Variants in SLC39A11 observed in about 807,000 individuals in gnomAD.
SLC39A11 encodes the protein zinc transporter ZIP11.
A neutral mutation model predicts 36.1 loss-of-function variants in SLC39A11; 33 were observed. The ratio of observed to expected loss-of-function variants is 0.91; its 90% CI spans 0.69 to 1.22. The LOEUF is 1.22. Among genes scored for constraint, SLC39A11 ranks in the 50% most tolerant of loss-of-function variants. SLC39A11 has a pLI of 0.00. For synonymous variants in SLC39A11, 166 were observed against 170.3 expected (o/e 0.97, Z 0.20); for missense variants, 432 against 430.3 (o/e 1.00, Z -0.03).
intron 7 of SLC39A11, among the ~76,000 whole-genome samples, chr17:72,731,623 T>C (rs533328726): frequency 6.6e-6 from 1 of 152,294 alleles, no homozygotes; most frequent in South Asian, 2.1e-4. Context: ...AGTTCCTGTG[T>C]ACCCTGCCCT....
chr17:72,739,646 T>A (rs1009502185), intron 6 of SLC39A11, among the ~76,000 whole-genome samples: 10 of 152,092 alleles, frequency 6.6e-5, no homozygotes, highest in African/African-American at 2.4e-4. Context: ...GGGCCCGGCC[T>A]CTCAGCGTGC....
chr17:72,764,857 G>A (rs1363837556), intron 6 of SLC39A11, among the ~76,000 whole-genome samples: 1 of 152,192 alleles, frequency 6.6e-6, no homozygotes, highest in African/African-American at 2.4e-5. Context: ...TCCATCCAGT[G>A]ATGGTGGAGG....
intron 5 of SLC39A11, among the ~76,000 whole-genome samples, chr17:72,922,034 G>A (rs920966227): frequency 2.6e-5 from 4 of 152,094 alleles, no homozygotes; most frequent in Non-Finnish European, 4.4e-5. Context: ...GAATTCCAAG[G>A]TGAGTTCCAA....
chr17:72,880,961 G>A (rs1028296883), intron 5 of SLC39A11, among the ~76,000 whole-genome samples: 6 of 150,826 alleles, frequency 4.0e-5, no homozygotes, highest in East Asian at 2.0e-4. Flanking sequence ...GATTACAGGC[G>A]TGAGCCTCTG....
intron 4 of SLC39A11, among the ~76,000 whole-genome samples, chr17:72,983,211 G>A (rs139088036): frequency 8.6e-5 from 13 of 151,792 alleles, no homozygotes; most frequent in Admixed American, 4.6e-4. Flanking sequence ...GTGCAGTGCC[G>A]CGATCTCAGC....
intron 3 of SLC39A11, among the ~76,000 whole-genome samples, chr17:73,064,171 A>G (rs1235829415): frequency 6.6e-6 from 1 of 152,188 alleles, no homozygotes; most frequent in Non-Finnish European, 1.5e-5. Flanking sequence ...TCAGACACAC[A>G]ATTCTCACCA....
intron 5 of SLC39A11, among the ~76,000 whole-genome samples, chr17:72,865,066 CA>C (rs34518318): frequency 6.6e-6 from 1 of 151,908 alleles, no homozygotes; most frequent in African/African-American, 2.4e-5. Context: ...ACAGCAACAA[CA>C]AAAAAATGTT....
intron 6 of SLC39A11, among the ~76,000 whole-genome samples, chr17:72,845,811 CAGTT>C (rs1160849299): frequency 6.6e-6 from 1 of 152,144 alleles, no homozygotes; most frequent in South Asian, 2.1e-4. Flanking sequence ...AGCTGTCCTC[CAGTT>C]TACTGAAACC....
At chr17:72,712,457 T>C (rs1226393729) in intron 7 of SLC39A11, among the ~76,000 whole-genome samples, 1 of 151,724 alleles carries the variant, frequency 6.6e-6, no homozygotes, top group African/African-American at 2.4e-5. Context: ...TTCTACTGAG[T>C]TTCAGTTAAT....
At chr17:72,959,408 A>G (rs796337277) in intron 4 of SLC39A11, among the ~76,000 whole-genome samples, 2 of 147,676 alleles carry the variant, frequency 1.4e-5, no homozygotes, top group African/African-American at 5.0e-5. Context: ...TTGAATTAAC[A>G]GCATTCGCAG....
intron 5 of SLC39A11, among the ~76,000 whole-genome samples, chr17:72,918,526 G>A (rs977033627): frequency 4.6e-5 from 7 of 152,170 alleles, no homozygotes; most frequent in Admixed American, 1.3e-4. Context: ...GAGCCCTGGC[G>A]CAAGACAGTG....
chr17:72,903,868 C>A (rs1385637853), intron 5 of SLC39A11, among the ~76,000 whole-genome samples: 2 of 152,136 alleles, frequency 1.3e-5, no homozygotes, highest in African/African-American at 4.8e-5. Flanking sequence ...TAAAACCATG[C>A]CCCACCTCCC....
chr17:72,710,060 C>T (rs1450130129), intron 7 of SLC39A11, among the ~76,000 whole-genome samples: 4 of 152,188 alleles, frequency 2.6e-5, no homozygotes, highest in Non-Finnish European at 5.9e-5. Context: ...ATCTGTTCTG[C>T]CAACCACACC....
intron 3 of SLC39A11, chr17:73,068,235 C>T: frequency 1.2e-6 from 1 of 845,524 alleles, no homozygotes; most frequent in Non-Finnish European, 1.9e-6. Flanking sequence ...AGTCCTTCCC[C>T]TCCAGTAGCA....
At chr17:73,052,034 T>C (rs1227718367) in intron 3 of SLC39A11, among the ~76,000 whole-genome samples, 1 of 151,922 alleles carries the variant, frequency 6.6e-6, no homozygotes, top group East Asian at 2.0e-4. Flanking sequence ...CCCAGCTCCA[T>C]CAAGTGGTCG....
intron 5 of SLC39A11, among the ~76,000 whole-genome samples, chr17:72,911,523 AC>A (rs967898301): frequency 4.6e-5 from 7 of 151,300 alleles, no homozygotes; most frequent in African/African-American, 1.7e-4. Context: ...GAGTGCCCTT[AC>A]CCTCCCGACC....
intron 6 of SLC39A11, among the ~76,000 whole-genome samples, chr17:72,738,234 G>A (rs756012505): frequency 2.6e-5 from 4 of 152,076 alleles, no homozygotes; most frequent in Admixed American, 1.3e-4. Flanking sequence ...TCGATCTCCC[G>A]ACCTCGTGAT....
chr17:73,018,088 T>A (rs1598874041), intron 4 of SLC39A11, among the ~76,000 whole-genome samples: 1 of 152,218 alleles, frequency 6.6e-6, no homozygotes, highest in Non-Finnish European at 1.5e-5. Context: ...GAGTAAAAGC[T>A]ACTCTATACC....
At chr17:72,687,390 C>T (rs1443845358) in intron 7 of SLC39A11, among the ~76,000 whole-genome samples, 1 of 152,262 alleles carries the variant, frequency 6.6e-6, no homozygotes, top group African/African-American at 2.4e-5. Flanking sequence ...ACTACAGGCG[C>T]GTGCCAACAC....
Sources: gnomAD v4.1 joint callset for allele counts (sites outside exome capture counted in the v4.1 genomes callset) on GRCh38, gnomAD v4.1.1 for gene constraint, MANE v1.5 for transcripts, NCBI Gene and HGNC (gene_info 2026-07-23, HGNC 2026-07-21) for gene names.